RUNDC3B: variants seen among roughly 807,000 people sequenced by gnomAD.
The protein encoded by RUNDC3B is RUN domain-containing protein 3B.
Under a neutral mutation model 58.4 loss-of-function variants are expected in RUNDC3B, and 33 were observed. That is an observed-to-expected ratio of 0.56 (90% CI 0.43 to 0.75). RUNDC3B has a LOEUF of 0.75. Among genes scored for constraint, RUNDC3B ranks in the 30% least tolerant of loss-of-function variants. The pLI, the probability that RUNDC3B is intolerant of heterozygous loss-of-function variation, is 0.00. For synonymous variants in RUNDC3B, 193 were observed against 195.2 expected, an observed-to-expected ratio of 0.99 and a Z score of 0.10; for missense variants, 501 against 535.7, an observed-to-expected ratio of 0.94 and a Z score of 0.64.
chr7:87,824,618 T>C (rs559961783), intron 10 of RUNDC3B, among the ~76,000 whole-genome samples: 15 of 152,028 alleles, frequency 9.9e-5, no homozygotes, highest in African/African-American at 3.4e-4. Flanking sequence ...CAGGCAGAGG[T>C]TGGAACAGTT....
chr7:87,824,977 A>G (rs1837717871), intron 10 of RUNDC3B, among the ~76,000 whole-genome samples: 1 of 152,162 alleles, frequency 6.6e-6, no homozygotes, highest in African/African-American at 2.4e-5. Flanking sequence ...GGAGAGCATA[A>G]AAGTTCAGAA....
chr7:87,688,791 CAT>C (rs1827730519), intron 2 of RUNDC3B, among the ~76,000 whole-genome samples: 1 of 151,808 alleles, frequency 6.6e-6, no homozygotes, highest in African/African-American at 2.4e-5. Context: ...CTGTTTGAGT[CAT>C]ATTATTGTAG....
intron 8 of RUNDC3B, among the ~76,000 whole-genome samples, chr7:87,799,682 A>T (rs1376970525): frequency 6.6e-6 from 1 of 151,800 alleles, no homozygotes; most frequent in Non-Finnish European, 1.5e-5. Flanking sequence ...AGGTCAAGAG[A>T]TCAAGACCAT....
In RUNDC3B at chr7:87,816,443, A is replaced by T. The variant is rs547952466; in HGVS notation, c.1225+181A>T. Among the ~76,000 whole-genome samples the T allele has an allele frequency of 2.0e-5, 3 of 152,116 alleles. No individual in the cohort carries two copies. In the South Asian group the frequency reaches 6.2e-4, roughly 32 times the overall value. The stretch of plus-strand genomic sequence containing the variant: ...TCTCGTGTGTGTGTGGGGGGGGCTA[A>T]CCTTCTCAAAACACTTGTCTTTGTT... On this transcript the variant is annotated intron_variant, in intron 10 of 10. Coordinates refer to ENST00000394654, the MANE Select transcript of RUNDC3B (RefSeq NM_001134405.2).
chr7:87,807,995 T>C (rs1836526429), intron 9 of RUNDC3B, among the ~76,000 whole-genome samples: 1 of 152,196 alleles, frequency 6.6e-6, no homozygotes, highest in Non-Finnish European at 1.5e-5. Flanking sequence ...TTTGTCCCGA[T>C]GTTCAGGACT....
At chr7:87,749,850 A>C (rs1832859585) in intron 6 of RUNDC3B, among the ~76,000 whole-genome samples, 1 of 148,712 alleles carries the variant, frequency 6.7e-6, no homozygotes, top group East Asian at 1.9e-4. Context: ...TAGATACAGT[A>C]TTTTCTTTCT....
chr7:87,826,165 T>C (rs1397013093), intron 10 of RUNDC3B, among the ~76,000 whole-genome samples: 1 of 152,102 alleles, frequency 6.6e-6, no homozygotes, highest in Non-Finnish European at 1.5e-5. Flanking sequence ...TTATCTTGAA[T>C]TGTAACTCTC....
chr7:87,635,399 A>G (rs2130237573), intron 1 of RUNDC3B, among the ~76,000 whole-genome samples: 1 of 152,306 alleles, frequency 6.6e-6, no homozygotes, highest in Non-Finnish European at 1.5e-5. Flanking sequence ...TCTGTGAGAA[A>G]TCTCTGTGTT....
intron 2 of RUNDC3B, among the ~76,000 whole-genome samples, chr7:87,656,690 A>G (rs1209615278): frequency 1.3e-5 from 2 of 152,098 alleles, no homozygotes; most frequent in Non-Finnish European, 2.9e-5. Flanking sequence ...TTTAAAAAAA[A>G]CCTAATTATT....
intron 2 of RUNDC3B, among the ~76,000 whole-genome samples, chr7:87,668,239 A>G (rs944927271): frequency 6.6e-6 from 1 of 151,176 alleles, no homozygotes; most frequent in African/African-American, 2.4e-5. Context: ...CCAGGAATTT[A>G]CTCATCTCTT....
At chr7:87,783,424 T>C (rs187062690) in intron 8 of RUNDC3B, among the ~76,000 whole-genome samples, 125 of 152,258 alleles carry the variant, frequency 8.2e-4, no homozygotes, top group African/African-American at 3.0e-3. Flanking sequence ...CTCTTGAAGA[T>C]AGCAAGTGGT....
intron 4 of RUNDC3B, among the ~76,000 whole-genome samples, chr7:87,720,108 G>T (rs1245097630): frequency 6.6e-6 from 1 of 151,154 alleles, no homozygotes; most frequent in African/African-American, 2.4e-5. Flanking sequence ...AACAATAAAA[G>T]ACTTTTTTAA....
chr7:87,825,027 C>T (rs1837720213), intron 10 of RUNDC3B, among the ~76,000 whole-genome samples: 1 of 151,862 alleles, frequency 6.6e-6, no homozygotes, highest in South Asian at 2.1e-4. Context: ...GAAAATACCT[C>T]CTGCACATGG....
rs188894867 is a variant in RUNDC3B at position 87,786,046 on chromosome 7, C to T, written c.956+8091C>T. On this transcript the variant is annotated intron_variant, in intron 8 of 10. Coordinates refer to ENST00000394654, the MANE Select transcript of RUNDC3B (RefSeq NM_001134405.2). ...CTTTTCAACCTTGGTGTCTGCATCA[C>T]CTCTCTCTCAACTTTCAGTGTTTTC... 1.6e-4 allele frequency among the ~76,000 whole-genome samples: 24 copies of T among 152,254 alleles called. 1 individual carries two copies. Among genetic ancestry groups the T allele is most frequent in the Admixed American group, 1.3e-3 (20 of 15,290 alleles).
At chr7:87,814,117 T>C (rs1836892292) in intron 9 of RUNDC3B, among the ~76,000 whole-genome samples, 1 of 150,588 alleles carries the variant, frequency 6.6e-6, no homozygotes, top group Non-Finnish European at 1.5e-5. Context: ...TTTTTTTTTT[T>C]GAGATGGAGT....
At chr7:87,730,336 T>C (rs1228073562) in intron 4 of RUNDC3B, among the ~76,000 whole-genome samples, 1 of 151,798 alleles carries the variant, frequency 6.6e-6, no homozygotes, top group Admixed American at 6.6e-5. Flanking sequence ...CTGCCCTAGG[T>C]GAGAGGAGAG....
At chr7:87,763,676 T>C (rs1158622460) in intron 6 of RUNDC3B, among the ~76,000 whole-genome samples, 6 of 151,896 alleles carry the variant, frequency 4.0e-5, no homozygotes, top group Non-Finnish European at 8.9e-5. Context: ...GTGAAATACA[T>C]TTAATTTTTA....
At chr7:87,829,798 T>C in intron 10 of RUNDC3B, 87 bp from the exon 11 acceptor site, 1 of 983,214 alleles carries the variant, frequency 1.0e-6, no homozygotes. Context: ...ACAGTATTGA[T>C]TCTTCCAATT....
Position 87,829,939 on chromosome 7 carries a change from C to G in RUNDC3B, c.1280C>G (p.Ala427Gly). 4 of 1,607,772 alleles carry G rather than the reference C, an allele frequency of 2.5e-6. No individual in the cohort carries two copies. The highest frequency in any genetic ancestry group is 1.1e-5 in the South Asian group (1 of 90,456). ...CTCTGTGGATCTCTAACGTCAGTGG[C>G]AAGTTACAAGTCTCTAACAAGCTTA... ...LGLCGSLTSV[A>G]SYKSLTSLKS... Residue 427 changes from alanine to glycine, a missense_variant, in exon 11 of 11, where the codon GCA becomes GGA. Transcript: ENST00000394654.
Sources: allele counts gnomAD v4.1 joint callset (sites outside exome capture counted in the v4.1 genomes callset), GRCh38; gene constraint gnomAD v4.1.1; transcripts MANE v1.5; gene names NCBI Gene and HGNC (gene_info 2026-07-23, HGNC 2026-07-21).